The following SMAD6 variants were observed in gnomAD, a reference collection of about 807,000 sequenced individuals.
The protein encoded by SMAD6 is SMAD family member 6.
SMAD6 carries 103 observed loss-of-function variants against 39.4 expected under a neutral mutation model. The ratio of observed to expected loss-of-function variants is 2.62; its 90% confidence interval spans 2.23 to 3.08. The LOEUF (loss-of-function observed/expected upper bound fraction) is 3.08. Ranked by LOEUF, SMAD6 falls within the 30% of genes most tolerant of loss-of-function variation. The pLI is 0.00. For missense variants in SMAD6, 1,104 were observed against 742.9 expected (o/e 1.49, Z -5.65); for synonymous variants, 445 against 353.3 (o/e 1.26, Z -2.91).
In SMAD6 at chr15:66,703,561, G is replaced by C. The variant is rs1200801509; in HGVS notation, c.303G>C (p.Gly101=). ...RPMSEPGAGA[G]SSLLDVAEPG... Reference sequence around the variant, plus strand: ...TGTCGGAGCCAGGGGCCGGCGCTGGGAGCTCCCTGCTGGACGTGGCGGAGC... The same window carrying C: ...TGTCGGAGCCAGGGGCCGGCGCTGGCAGCTCCCTGCTGGACGTGGCGGAGC... The change falls in exon 1 of 4, where the codon GGG becomes GGC. Residue 101 remains glycine (G), a synonymous_variant. Transcript: ENST00000288840. 8.2e-7 allele frequency: 1 copy of C among 1,223,512 alleles called. No individual in the cohort carries two copies. The highest frequency in any genetic ancestry group is 1.6e-5 in the African/African-American group (1 of 63,500). The allele number at this position is 1,223,512 out of a possible 1,614,324, so 75.8% of individuals were successfully genotyped here.
intron 2 of SMAD6, among the ~76,000 whole-genome samples, chr15:66,711,933 A>G (rs1230562114): frequency 2.0e-5 from 3 of 152,140 alleles, no homozygotes; most frequent in African/African-American, 7.2e-5. Context: ...CAGGCTATTT[A>G]CATCTCGAAA....
chr15:66,739,392 C>T (rs1205250778), intron 3 of SMAD6, among the ~76,000 whole-genome samples: 1 of 152,192 alleles, frequency 6.6e-6, no homozygotes, highest in Non-Finnish European at 1.5e-5. Flanking sequence ...CCTGGCCTTA[C>T]CCAGGCCTTC....
intron 3 of SMAD6, among the ~76,000 whole-genome samples, chr15:66,725,448 G>A (rs1055048806): frequency 9.2e-5 from 14 of 152,178 alleles, no homozygotes; most frequent in Non-Finnish European, 1.5e-4. Context: ...TGTCTGGAGC[G>A]GACATCAAAG....
intron 3 of SMAD6, among the ~76,000 whole-genome samples, chr15:66,736,483 G>A (rs972195331): frequency 1.3e-5 from 2 of 152,124 alleles, no homozygotes; most frequent in South Asian, 4.2e-4. Context: ...CACCCCTGAT[G>A]GGTACAGCAC....
At position 66,781,260 on chromosome 15, in the gene SMAD6, G is replaced by A. The variant is rs539298543; in HGVS notation, c.1216G>A (p.Gly406Ser). 3.7e-6 allele frequency: 6 copies of A among 1,607,974 alleles called. No homozygotes were observed. In the South Asian group the frequency reaches 4.4e-5, roughly 12 times the overall value. The change falls in exon 4 of 4, where the codon GGC (glycine) becomes AGC (serine). Residue 406 changes from glycine to serine, a missense_variant. Transcript: ENST00000288840. ...CGACGGCGTGTGGGCCTACAACCGC[G>A]GCGAGCACCCCATCTTCGTCAACTC... is the stretch of plus-strand genomic sequence containing the variant. ...EPDGVWAYNR[G>S]EHPIFVNSPT...
chr15:66,703,618 C>T lies in SMAD6; in HGVS notation c.360C>T (p.Asp120=), dbSNP rs1355320212. Residue 120 remains aspartate, a synonymous_variant, in exon 1 of 4, where the codon GAC becomes GAT. Transcript: ENST00000288840. The part of the protein sequence containing the change: ...PGGPGWLPES[D]CETVTCCLFS... Reference sequence around the variant, plus strand: ...GCCCGGGCTGGCTGCCCGAGAGTGACTGCGAGACGGTGACCTGCTGTCTCT... The same window carrying T: ...GCCCGGGCTGGCTGCCCGAGAGTGATTGCGAGACGGTGACCTGCTGTCTCT... The T allele has an allele frequency of 2.4e-6, 3 of 1,231,386 alleles. No individual in the cohort carries two copies. The highest frequency in any genetic ancestry group is 4.1e-5 in the South Asian group (1 of 24,654). The allele number at this position is 1,231,386 out of a possible 1,614,324, so 76.3% of individuals were successfully genotyped here.
intron 3 of SMAD6, among the ~76,000 whole-genome samples, chr15:66,736,195 T>C (rs1893709596): frequency 6.6e-6 from 1 of 152,160 alleles, no homozygotes. Flanking sequence ...GGTGTAGGGT[T>C]GCCAGATTTA....
At position 66,703,965 on chromosome 15, in the gene SMAD6, A is replaced by C; in HGVS notation, c.707A>C (p.Gln236Pro). Residue 236 changes from glutamine (Q) to proline (P), a missense_variant, in exon 1 of 4, where the codon CAG becomes CCG. Physicochemically the swap from Gln to Pro is moderately conservative, Grantham distance 76. Coordinates refer to ENST00000288840, the MANE Select transcript of SMAD6 (RefSeq NM_005585.5). ...CGCCTCTTTCGCTGGCCCGACCTGCAGCACGCCGTGGAGCTGAAGCCCCTG... is the reference window on the plus strand; with the variant it reads ...CGCCTCTTTCGCTGGCCCGACCTGCCGCACGCCGTGGAGCTGAAGCCCCTG... ...LGRLFRWPDL[Q>P]HAVELKPLCG... 1 of 1,446,262 alleles carries C rather than the reference A, an allele frequency of 6.9e-7. No homozygotes were observed. Among genetic ancestry groups the C allele is most frequent in the Non-Finnish European group, 9.1e-7 (1 of 1,101,412 alleles). 89.6% of individuals were successfully genotyped at this position (1,446,262 alleles called of 1,614,324 possible).
At chr15:66,727,269 A>G (rs1173811377) in intron 3 of SMAD6, among the ~76,000 whole-genome samples, 1 of 152,008 alleles carries the variant, frequency 6.6e-6, no homozygotes, top group African/African-American at 2.4e-5. Flanking sequence ...TGCCCGGCTA[A>G]CTTTTGTATT....
In SMAD6 at chr15:66,781,189, G is replaced by T. The variant is rs1477970070; in HGVS notation, c.1145G>T (p.Arg382Leu). 1.2e-5 allele frequency: 19 copies of T among 1,607,892 alleles called. No individual in the cohort carries two copies. Among genetic ancestry groups the T allele is most frequent in the Non-Finnish European group, 1.6e-5 (19 of 1,179,738 alleles). ...GAGCAGCGCAGCGAGTCGGTGCGGC[G>T]AACGCGCAGCAAGATCGGCTTCGGC... is the stretch of plus-strand genomic sequence containing the variant. ...NLEQRSESVR[R>L]TRSKIGFGIL... The change falls in exon 4 of 4, where the codon CGA (arginine) becomes CTA (leucine). Residue 382 changes from arginine (R) to leucine (L), a missense_variant. Coordinates refer to ENST00000288840, the MANE Select transcript of SMAD6 (RefSeq NM_005585.5).
At chr15:66,737,707 AG>A (rs1255634753) in intron 3 of SMAD6, among the ~76,000 whole-genome samples, 3 of 151,790 alleles carry the variant, frequency 2.0e-5, no homozygotes, top group East Asian at 3.9e-4. Flanking sequence ...TTAGAGAAAA[AG>A]GAAAAAAAAA....
Position 66,781,308 on chromosome 15 carries a change from G to T in SMAD6, c.1264G>T (p.Gly422Cys). The change falls in exon 4 of 4, where the codon GGC (glycine) becomes TGC (cysteine). Residue 422 changes from glycine to cysteine, a missense_variant. Physicochemically the swap from Gly to Cys is radical, Grantham distance 159. Coordinates refer to ENST00000288840, the MANE Select transcript of SMAD6 (RefSeq NM_005585.5). ...VNSPTLDAPG[G>C]RALVVRKVPP... The stretch of plus-strand genomic sequence containing the variant: ...CTCCCCGACGCTGGACGCGCCCGGC[G>T]GCCGCGCCCTGGTCGTGCGCAAGGT... The T allele has an allele frequency of 6.2e-7, 1 of 1,601,496 alleles. No homozygotes were observed.
intron 3 of SMAD6, among the ~76,000 whole-genome samples, chr15:66,767,622 G>A (rs1894310242): frequency 6.6e-6 from 1 of 152,212 alleles, no homozygotes; most frequent in Non-Finnish European, 1.5e-5. Flanking sequence ...AGGGCATTTT[G>A]CAACATTTTT....
chr15:66,715,029 GCTT>G (rs1893300463), intron 2 of SMAD6, among the ~76,000 whole-genome samples: 1 of 93,734 alleles, frequency 1.1e-5, no homozygotes, highest in South Asian at 4.0e-4. Context: ...TGAGCACTGA[GCTT>G]TTTTTTTTTT....
At chr15:66,727,241 T>A (rs977738294) in intron 3 of SMAD6, among the ~76,000 whole-genome samples, 1 of 152,112 alleles carries the variant, frequency 6.6e-6, no homozygotes, top group Non-Finnish European at 1.5e-5. Flanking sequence ...TAGCTGGGAC[T>A]ACAAGCGTGC....
Position 66,764,927 on chromosome 15 carries a change from A to T in SMAD6, c.953-16070A>T, listed in dbSNP as rs571636416. Among the ~76,000 whole-genome samples the T allele has an allele frequency of 4.6e-5, 7 of 152,174 alleles. No individual in the cohort carries two copies. In the East Asian group the frequency reaches 1.4e-3, roughly 29 times the overall value. On this transcript the variant is annotated intron_variant, in intron 3 of 3. Coordinates refer to ENST00000288840, the MANE Select transcript of SMAD6 (RefSeq NM_005585.5). ...TTTAGGAATTAAAGACACTGCTCAGATTCCACCCCTGGGTTTCACCGCCAT... is the reference window on the plus strand; with the variant it reads ...TTTAGGAATTAAAGACACTGCTCAGTTTCCACCCCTGGGTTTCACCGCCAT...
intron 3 of SMAD6, among the ~76,000 whole-genome samples, chr15:66,765,638 C>T (rs1222680421): frequency 6.6e-6 from 1 of 152,152 alleles, no homozygotes; most frequent in Non-Finnish European, 1.5e-5. Context: ...ACACACAGAC[C>T]ACTGCCTTAC....
rs370424226 is a variant in SMAD6, at chr15:66,782,327, C to G, written c.*792C>G. On this transcript the variant is annotated 3_prime_UTR_variant, in exon 4 of 4. Coordinates refer to ENST00000288840, the MANE Select transcript of SMAD6 (RefSeq NM_005585.5). ...AAAGGCCCAGGTCCATGCCCCCCATCTTTGAGTTATGAGCAAGCTAAAAGA... is the reference window on the plus strand; with the variant it reads ...AAAGGCCCAGGTCCATGCCCCCCATGTTTGAGTTATGAGCAAGCTAAAAGA... 1 of 165,644 alleles carries G rather than the reference C, an allele frequency of 6.0e-6. No individual in the cohort carries two copies. The highest frequency in any genetic ancestry group is 2.4e-5 in the African/African-American group (1 of 42,054). 10.3% of individuals were successfully genotyped at this position (165,644 alleles called of 1,614,324 possible). A position where few individuals can be genotyped will look rare whatever the true frequency, so the allele number is the denominator to read the frequency against.
At chr15:66,741,879 G>C (rs1893821552) in intron 3 of SMAD6, among the ~76,000 whole-genome samples, 1 of 152,190 alleles carries the variant, frequency 6.6e-6, no homozygotes, top group Non-Finnish European at 1.5e-5. Context: ...GGACCCTTAT[G>C]TACAGAGGCT....
Sources: allele counts gnomAD v4.1 joint callset (sites outside exome capture counted in the v4.1 genomes callset), GRCh38; gene constraint gnomAD v4.1.1; transcripts MANE v1.5; gene names NCBI Gene and HGNC (gene_info 2026-07-23, HGNC 2026-07-21).